AGAP1: variants seen among roughly 807,000 people sequenced by gnomAD.
AGAP1 encodes the protein arf-GAP with GTPase, ANK repeat and PH domain-containing protein 1.
AGAP1 carries 29 observed loss-of-function variants against 105.3 expected under a neutral mutation model. That is an observed-to-expected ratio of 0.28 (90% confidence interval 0.21 to 0.38). AGAP1 has a LOEUF of 0.38. Among genes scored for constraint, AGAP1 ranks in the 10% least tolerant of loss-of-function variants. The pLI is 1.00. For missense variants in AGAP1, 998 were observed against 1,165.1 expected (o/e 0.86, Z 2.09); for synonymous variants, 509 against 485.9 (o/e 1.05, Z -0.63).
At chr2:235,826,078 A>G (rs1959046738) in intron 9 of AGAP1, among the ~76,000 whole-genome samples, 1 of 152,200 alleles carries the variant, frequency 6.6e-6, no homozygotes, top group Non-Finnish European at 1.5e-5. Flanking sequence ...GGTGTGCGAA[A>G]CCATGCTAAC....
Position 235,740,227 on chromosome 2 carries a change from C to A in AGAP1, c.311-736C>A, listed in dbSNP as rs1200428991. On this transcript the variant is annotated intron_variant, in intron 3 of 17. Transcript: ENST00000304032. The surrounding 1 kb of genome is among the most constrained non-coding windows in gnomAD (Gnocchi z 5.7). ...ACCTTGTACCATCCCCTCCTGAGAG[C>A]ATCAGGGGCCGGGACGTCCAAGGTA... Among the ~76,000 whole-genome samples, 1 of 152,048 alleles carries A rather than the reference C, an allele frequency of 6.6e-6. No homozygotes were observed. The highest frequency in any genetic ancestry group is 1.9e-4 in the East Asian group (1 of 5,160).
intron 11 of AGAP1, among the ~76,000 whole-genome samples, chr2:235,922,102 C>T (rs545291575): frequency 4.6e-5 from 7 of 152,308 alleles, no homozygotes; most frequent in Admixed American, 2.0e-4. Flanking sequence ...ATGCGCACAA[C>T]GGGCGTGGTG....
chr2:235,786,577 C>T (rs1375908650), intron 6 of AGAP1, among the ~76,000 whole-genome samples: 5 of 152,142 alleles, frequency 3.3e-5, no homozygotes, highest in Non-Finnish European at 7.3e-5. Context: ...GTACACTCAG[C>T]TCTCTAAGAG....
In AGAP1 at chr2:236,061,889, A is replaced by G. The variant is rs1427445799; in HGVS notation, c.2114+12608A>G. On this transcript the variant is annotated intron_variant, in intron 16 of 17. Transcript: ENST00000304032. The surrounding 1 kb of genome is among the most constrained non-coding windows in gnomAD (Gnocchi z 4.1). ...TAAATTATGTCAATTTTGAAAAAAA[A>G]AAAAAAGGAATTTCCAAAGGAAAAC... is the stretch of plus-strand genomic sequence containing the variant. Among the ~76,000 whole-genome samples, 1 of 152,012 alleles carries G rather than the reference A, an allele frequency of 6.6e-6. No homozygotes were observed. Among genetic ancestry groups the G allele is most frequent in the Non-Finnish European group, 1.5e-5 (1 of 68,012 alleles).
At chr2:235,669,868 T>G (rs1449543865) in intron 1 of AGAP1, 1 of 147,530 alleles carries the variant, frequency 6.8e-6, no homozygotes, top group Non-Finnish European at 1.5e-5. Flanking sequence ...CCGCCTCGCT[T>G]GGCCCCGCCG....
rs578260474 is a variant in AGAP1, at chr2:236,001,646, C to T, written c.1645+33023C>T. Among the ~76,000 whole-genome samples the T allele has an allele frequency of 1.9e-4, 29 of 152,232 alleles. No homozygotes were observed. In the East Asian group the frequency reaches 4.5e-3, roughly 23 times the overall value. On this transcript the variant is annotated intron_variant, in intron 13 of 17. Transcript: ENST00000304032. The surrounding 1 kb of genome is among the most constrained non-coding windows in gnomAD (Gnocchi z 4.7). ...GGCCAGGGCCGGGAGACCAGGAGGC[C>T]GAGAGCGGTAGAACGTCACATCCTG...
intron 5 of AGAP1, among the ~76,000 whole-genome samples, chr2:235,745,865 C>A (rs190197373): frequency 1.3e-5 from 2 of 152,180 alleles, no homozygotes; most frequent in South Asian, 2.1e-4. Context: ...TGGTGGCTCA[C>A]GCCTGTAATT....
At position 235,610,616 on chromosome 2, in the gene AGAP1, T is replaced by A. The variant is rs1946093720; in HGVS notation, c.164-98563T>A. 6.6e-6 allele frequency among the ~76,000 whole-genome samples: 1 copy of A among 152,140 alleles called. No individual in the cohort carries two copies. Among genetic ancestry groups the A allele is most frequent in the South Asian group, 2.1e-4 (1 of 4,826 alleles). On this transcript the variant is annotated intron_variant, in intron 1 of 17. Transcript: ENST00000304032. This position sits in a 1 kb window ranked among gnomAD's most constrained non-coding sequence, Gnocchi z 4.9. ...GATCCCACCTCAGATACCATCGCAT[T>A]GGGGGTTGAGCTTTAAATACAAATT...
intron 6 of AGAP1, chr2:235,774,430 G>C (rs1955703368): frequency 2.1e-6 from 1 of 467,558 alleles, no homozygotes; most frequent in Middle Eastern, 3.3e-4. Context: ...CATCACGGCA[G>C]GCAGTCACTT....
chr2:235,532,598 CT>C (rs1321278713), intron 1 of AGAP1, among the ~76,000 whole-genome samples: 1 of 152,170 alleles, frequency 6.6e-6, no homozygotes, highest in Non-Finnish European at 1.5e-5. Context: ...TTGTCCTCGC[CT>C]TTTCATAAAC....
rs2056295597 is a variant in AGAP1, at chr2:236,005,587, AT to A, written c.1646-30973del. On this transcript the variant is annotated intron_variant, in intron 13 of 17. Coordinates refer to ENST00000304032, the MANE Select transcript of AGAP1 (RefSeq NM_001037131.3). The surrounding 1 kb of genome is among the most constrained non-coding windows in gnomAD (Gnocchi z 4.1). ...GCCGTGTCTCTGTTCCAGGATCCAA[AT>A]CCTATTCCATTGTCATGCCTCCTTA... Among the ~76,000 whole-genome samples the A allele has an allele frequency of 6.6e-6, 1 of 152,036 alleles. No individual in the cohort carries two copies. Among genetic ancestry groups the A allele is most frequent in the Non-Finnish European group, 1.5e-5 (1 of 68,000 alleles).
At position 236,062,976 on chromosome 2, in the gene AGAP1, A is replaced by G. The variant is rs1477885293; in HGVS notation, c.2114+13695A>G. On this transcript the variant is annotated intron_variant, in intron 16 of 17. Transcript: ENST00000304032. The surrounding 1 kb of genome is among the most constrained non-coding windows in gnomAD (Gnocchi z 4.2). Reference sequence around the variant, plus strand: ...TGCCTGGCCATCAGCTATTTTTTTAAGAGATGGGGGTCTCACTATGTTGCC... The same window carrying G: ...TGCCTGGCCATCAGCTATTTTTTTAGGAGATGGGGGTCTCACTATGTTGCC... Among the ~76,000 whole-genome samples the G allele has an allele frequency of 6.6e-6, 1 of 152,032 alleles. No homozygotes were observed. The highest frequency in any genetic ancestry group is 1.5e-5 in the Non-Finnish European group (1 of 68,006).
rs897447690 is a variant in AGAP1, at chr2:235,872,656, G to A, written c.1051-10689G>A. ...ATTTTCTTGGTCCTTAGAGTAGGAA[G>A]TGTGAAAGTTCGGACTGATTGAACA... On this transcript the variant is annotated intron_variant, in intron 9 of 17. Coordinates refer to ENST00000304032, the MANE Select transcript of AGAP1 (RefSeq NM_001037131.3). This position sits in a 1 kb window ranked among gnomAD's most constrained non-coding sequence, Gnocchi z 4.5. Among the ~76,000 whole-genome samples, 1 of 152,200 alleles carries A rather than the reference G, an allele frequency of 6.6e-6. No individual in the cohort carries two copies. The highest frequency in any genetic ancestry group is 2.4e-5 in the African/African-American group (1 of 41,444).
Position 235,662,047 on chromosome 2 carries a change from A to G in AGAP1, c.164-47132A>G, listed in dbSNP as rs1382551816. Among the ~76,000 whole-genome samples the G allele has an allele frequency of 6.6e-6, 1 of 152,138 alleles. No homozygotes were observed. Among genetic ancestry groups the G allele is most frequent in the African/African-American group, 2.4e-5 (1 of 41,440 alleles). On this transcript the variant is annotated intron_variant, in intron 1 of 17. Transcript: ENST00000304032. This position sits in a 1 kb window ranked among gnomAD's most constrained non-coding sequence, Gnocchi z 4.2. ...ATCCTGGGTGAGTTGGGGTATGGCC[A>G]TAGGAGGGGGCTCCAGGAATTCAGG...
In AGAP1 at chr2:236,062,482, GT is replaced by G. The variant is rs1303789346; in HGVS notation, c.2114+13202del. ...GTTGTTACTTTTCATTTATTTTCAT[GT>G]ATTTTTTTTAGAAACAGAATCTCAC... On this transcript the variant is annotated intron_variant, in intron 16 of 17. Transcript: ENST00000304032. The surrounding 1 kb of genome is among the most constrained non-coding windows in gnomAD (Gnocchi z 4.2). 2.3e-4 allele frequency among the ~76,000 whole-genome samples: 23 copies of G among 100,916 alleles called. No homozygotes were observed. Among genetic ancestry groups the G allele is most frequent in the Admixed American group, 1.5e-3 (16 of 10,444 alleles). The allele number at this position is 100,916 out of a possible 152,430, so 66.2% of individuals were successfully genotyped here. A position where few individuals can be genotyped will look rare whatever the true frequency, so the allele number is the denominator to read the frequency against.
At chr2:235,545,714 T>C (rs1278535389) in intron 1 of AGAP1, among the ~76,000 whole-genome samples, 1 of 152,216 alleles carries the variant, frequency 6.6e-6, no homozygotes, top group Non-Finnish European at 1.5e-5. Context: ...GGAGTCCTCT[T>C]TCCCTCCTGT....
In AGAP1 at chr2:235,723,560, C is replaced by T. The variant is rs1200203977; in HGVS notation, c.310+5916C>T. Among the ~76,000 whole-genome samples, 1 of 152,206 alleles carries T rather than the reference C, an allele frequency of 6.6e-6. No homozygotes were observed. Among genetic ancestry groups the T allele is most frequent in the East Asian group, 1.9e-4 (1 of 5,178 alleles). Reference sequence around the variant, plus strand: ...TTCCCCAGGACAACTCTCTCTGTGTCACCCATGGCATCACAGGCACCCTGG... The same window carrying T: ...TTCCCCAGGACAACTCTCTCTGTGTTACCCATGGCATCACAGGCACCCTGG... On this transcript the variant is annotated intron_variant, in intron 3 of 17. Coordinates refer to ENST00000304032, the MANE Select transcript of AGAP1 (RefSeq NM_001037131.3). This position sits in a 1 kb window ranked among gnomAD's most constrained non-coding sequence, Gnocchi z 6.2.
intron 12 of AGAP1, among the ~76,000 whole-genome samples, chr2:235,935,287 A>G (rs1245570410): frequency 6.6e-6 from 1 of 152,098 alleles, no homozygotes; most frequent in Non-Finnish European, 1.5e-5. Flanking sequence ...CGCACGGAGG[A>G]TTGGATCCCT....
intron 1 of AGAP1, among the ~76,000 whole-genome samples, chr2:235,592,751 G>A (rs1041097853): frequency 4.6e-5 from 7 of 152,162 alleles, no homozygotes; most frequent in East Asian, 3.9e-4. Context: ...GTATCTGGCC[G>A]AGGTTGCTTG....
Sources: allele counts gnomAD v4.1 joint callset (sites outside exome capture counted in the v4.1 genomes callset), GRCh38; gene constraint gnomAD v4.1.1; non-coding constraint Gnocchi (gnomAD v3.1); transcripts MANE v1.5; gene names NCBI Gene and HGNC (gene_info 2026-07-23, HGNC 2026-07-21).